NFIB: variants seen among roughly 807,000 people sequenced by gnomAD.
The protein encoded by NFIB is nuclear factor 1 B-type.
A neutral mutation model predicts 61.5 loss-of-function variants in NFIB; 11 were observed. The ratio of observed to expected loss-of-function variants is 0.18; its 90% CI spans 0.11 to 0.30. The LOEUF is 0.30. Among genes scored for constraint, NFIB ranks in the 10% least tolerant of loss-of-function variants. The pLI is 1.00. For synonymous variants in NFIB, 260 were observed against 216.5 expected (o/e 1.20, Z -1.76); for missense variants, 471 against 608.9 (o/e 0.77, Z 2.38).
At chr9:14,211,854 T>C (rs1262470421) in intron 2 of NFIB, among the ~76,000 whole-genome samples, 1 of 152,200 alleles carries the variant, frequency 6.6e-6, no homozygotes, top group African/African-American at 2.4e-5. Flanking sequence ...ATAAAGGAGG[T>C]ATACACTTTA....
chr9:14,191,125 C>T (rs1423816297), intron 2 of NFIB, among the ~76,000 whole-genome samples: 2 of 151,542 alleles, frequency 1.3e-5, no homozygotes, highest in East Asian at 1.9e-4. Context: ...GTCAGGAGTT[C>T]GAGACCAGCC....
intron 2 of NFIB, among the ~76,000 whole-genome samples, chr9:14,246,240 C>T (rs1230831797): frequency 6.6e-6 from 1 of 152,146 alleles, no homozygotes; most frequent in Admixed American, 6.5e-5. Context: ...TCCACTGCCT[C>T]TAGGATAAAA....
At chr9:14,514,293 C>T in the NFIB span, among the ~76,000 whole-genome samples, 1 of 148,280 alleles carries the variant, frequency 6.7e-6, no homozygotes, top group Admixed American at 6.8e-5. Flanking sequence ...CGTATTTTAT[C>T]TTTGGAACAC....
upstream of NFIB, among the ~76,000 whole-genome samples, chr9:14,315,700 T>C (rs1282966200): frequency 6.6e-6 from 1 of 151,108 alleles, no homozygotes; most frequent in Admixed American, 6.6e-5. Flanking sequence ...TCCAGGGATT[T>C]TGAAGAAGGC....
the NFIB span, among the ~76,000 whole-genome samples, chr9:14,460,382 G>A: frequency 3.5e-5 from 5 of 142,374 alleles, no homozygotes; most frequent in Non-Finnish European, 6.2e-5. Context: ...GTGGGGGGAG[G>A]GAGAAGGGGT....
chr9:14,143,459 A>C (rs908974435), intron 6 of NFIB, among the ~76,000 whole-genome samples: 2 of 152,160 alleles, frequency 1.3e-5, no homozygotes, highest in African/African-American at 2.4e-5. Context: ...TAATTTTGTT[A>C]TCTTTGATTC....
the NFIB span, among the ~76,000 whole-genome samples, chr9:14,421,967 A>G: frequency 6.6e-6 from 1 of 152,060 alleles, no homozygotes; most frequent in South Asian, 2.1e-4. Flanking sequence ...TCTACCTAGC[A>G]CTTCATTTTA....
chr9:14,329,996 A>C (rs2060802424), intron 1 of NFIB, among the ~76,000 whole-genome samples: 1 of 151,938 alleles, frequency 6.6e-6, no homozygotes, highest in African/African-American at 2.4e-5. Flanking sequence ...GGGTGGTGGC[A>C]CAGGCCTGTA....
At chr9:14,182,704 CTCTCTGTGTG>C (rs1166511787) in intron 2 of NFIB, among the ~76,000 whole-genome samples, 7 of 128,398 alleles carry the variant, frequency 5.5e-5, no homozygotes, top group African/African-American at 1.2e-4. Flanking sequence ...CTCTCTCTCT[CTCTCTGTGTG>C]TGTGTGTGTG....
At chr9:14,309,410 G>A (rs1182893522) in intron 1 of NFIB, among the ~76,000 whole-genome samples, 1 of 152,146 alleles carries the variant, frequency 6.6e-6, no homozygotes, top group Non-Finnish European at 1.5e-5. Flanking sequence ...TCCTTCACCA[G>A]AATAAGTATG....
chr9:14,329,544 T>C (rs2060795896), intron 1 of NFIB, among the ~76,000 whole-genome samples: 2 of 152,014 alleles, frequency 1.3e-5, no homozygotes, highest in African/African-American at 2.4e-5. Context: ...AGACGGAGTC[T>C]CACTCTGTCA....
At chr9:14,405,908 CT>C in the NFIB span, among the ~76,000 whole-genome samples, 14 of 152,288 alleles carry the variant, frequency 9.2e-5, no homozygotes, top group African/African-American at 1.4e-4. Context: ...CTTGGATATG[CT>C]TTCTAGCACA....
rs115248308 is a variant in NFIB, at chr9:14,290,720, T to C, written c.562+16269A>G. ...AACAGTGACCAATCACTAGTGCATA[T>C]ACAAAAGAAAGAAAACAAGCCTCAG... On this transcript the variant is annotated intron_variant, in intron 2 of 10. Transcript: ENST00000380953. Among the ~76,000 whole-genome samples, 371 of 152,192 alleles carry C rather than the reference T, an allele frequency of 2.4e-3. 2 individuals are homozygous for C. Among genetic ancestry groups the C allele is most frequent in the African/African-American group, 8.6e-3 (359 of 41,568 alleles).
intron 6 of NFIB, among the ~76,000 whole-genome samples, chr9:14,139,157 A>T (rs1230823602): frequency 2.0e-5 from 3 of 152,196 alleles, no homozygotes; most frequent in African/African-American, 7.2e-5. Flanking sequence ...GAAAATGAAA[A>T]AAATCCCTTG....
chr9:14,367,672 A>T (rs1279029524), intron 1 of NFIB, among the ~76,000 whole-genome samples: 5 of 152,210 alleles, frequency 3.3e-5, no homozygotes, highest in Non-Finnish European at 7.3e-5. Flanking sequence ...AATGTGGCAC[A>T]TATACACCAT....
chr9:14,232,979 G>C (rs535770168), intron 2 of NFIB, among the ~76,000 whole-genome samples: 2 of 152,194 alleles, frequency 1.3e-5, no homozygotes, highest in Non-Finnish European at 2.9e-5. Flanking sequence ...GACAGGTCAA[G>C]AGGGCGGGTC....
At chr9:14,309,711 C>T (rs1303600968) in intron 1 of NFIB, among the ~76,000 whole-genome samples, 1 of 152,182 alleles carries the variant, frequency 6.6e-6, no homozygotes, top group Non-Finnish European at 1.5e-5. Flanking sequence ...ACTACAAAAA[C>T]TTTGTTTATC....
chr9:14,482,968 C>CA, the NFIB span, among the ~76,000 whole-genome samples: 1 of 152,014 alleles, frequency 6.6e-6, no homozygotes, highest in Non-Finnish European at 1.5e-5. Context: ...GGAAGAGAAA[C>CA]AAAATCAATA....
the NFIB span, among the ~76,000 whole-genome samples, chr9:14,522,786 G>T: frequency 4.6e-5 from 7 of 152,200 alleles, no homozygotes; most frequent in African/African-American, 1.7e-4. Flanking sequence ...CAGATTAGCT[G>T]TCAGCATCAG....
Sources: gnomAD v4.1 joint callset for allele counts (sites outside exome capture counted in the v4.1 genomes callset) on GRCh38, gnomAD v4.1.1 for gene constraint, MANE v1.5 for transcripts, NCBI Gene and HGNC (gene_info 2026-07-23, HGNC 2026-07-21) for gene names.